Variants in LACTB2 observed in about 807,000 individuals in gnomAD.
LACTB2 encodes the protein endoribonuclease LACTB2.
In LACTB2, 32 loss-of-function variants were observed where a neutral mutation model predicts 34.8. That is an observed-to-expected ratio of 0.92 (90% CI 0.69 to 1.24). LACTB2 has a LOEUF of 1.24. Among genes scored for constraint, LACTB2 ranks in the 50% most tolerant of loss-of-function variants. The pLI is 0.00. For missense variants in LACTB2, 320 were observed against 345.0 expected (o/e 0.93, Z 0.57); for synonymous variants, 120 against 117.5 (o/e 1.02, Z -0.14).
intron 3 of LACTB2, among the ~76,000 whole-genome samples, chr8:70,645,338 C>T (rs533892234): frequency 1.3e-5 from 2 of 152,080 alleles, no homozygotes; most frequent in Non-Finnish European, 2.9e-5. Flanking sequence ...AGGCTGGCAT[C>T]AGTATATACT....
chr8:70,639,685 G>A (rs555292199), intron 5 of LACTB2, among the ~76,000 whole-genome samples: 48 of 151,540 alleles, frequency 3.2e-4, no homozygotes, highest in African/African-American at 1.1e-3. Context: ...TTTTTGGGCC[G>A]GGCGCAGTGA....
At chr8:70,664,705 C>A (rs1346059369) in intron 1 of LACTB2, among the ~76,000 whole-genome samples, 1 of 152,192 alleles carries the variant, frequency 6.6e-6, no homozygotes, top group African/African-American at 2.4e-5. Context: ...AAAAGTCACA[C>A]TGATAACATA....
chr8:70,665,658 G>A (rs1044139106), intron 1 of LACTB2, among the ~76,000 whole-genome samples: 35 of 152,040 alleles, frequency 2.3e-4, no homozygotes, highest in Non-Finnish European at 2.9e-4. Context: ...CAATGAGGTA[G>A]GTACTACACA....
intron 2 of LACTB2, chr8:70,661,219 G>A (rs1318416330): frequency 2.8e-6 from 1 of 354,530 alleles, no homozygotes; most frequent in East Asian, 7.6e-5. Context: ...TTTAATGAAT[G>A]AATGAATGAA....
intron 3 of LACTB2, among the ~76,000 whole-genome samples, chr8:70,648,208 A>G (rs1818289167): frequency 6.6e-6 from 1 of 152,190 alleles, no homozygotes. Context: ...CAGAGCTCCC[A>G]AACAGCTCTG....
chr8:70,653,617 T>C (rs1036396813), intron 3 of LACTB2: 3 of 152,196 alleles, frequency 2.0e-5, no homozygotes, highest in African/African-American at 7.2e-5. Flanking sequence ...GATGTGAGGA[T>C]GAATCTGGTA....
In LACTB2 at chr8:70,637,857, A is replaced by G. The variant is rs1225847646; in HGVS notation, c.*3T>C. 4 of 1,542,680 alleles carry G rather than the reference A, an allele frequency of 2.6e-6. No individual in the cohort carries two copies. The highest frequency in any genetic ancestry group is 2.6e-6 in the Non-Finnish European group (3 of 1,141,150). On this transcript the variant is annotated 3_prime_UTR_variant, in exon 7 of 7. Coordinates refer to ENST00000276590, the MANE Select transcript of LACTB2 (RefSeq NM_016027.3). ...ATAAAACAAAGCTTTCTTTAATCTG[A>G]AACTAAAGATGAGCTTTCCATTTCT...
intron 2 of LACTB2, among the ~76,000 whole-genome samples, chr8:70,658,277 G>C (rs900726556): frequency 2.6e-5 from 4 of 152,068 alleles, no homozygotes; most frequent in South Asian, 4.1e-4. Flanking sequence ...AATAACAAAA[G>C]GATAAACATT....
At chr8:70,664,414 A>T (rs540954207) in intron 1 of LACTB2, among the ~76,000 whole-genome samples, 1 of 152,320 alleles carries the variant, frequency 6.6e-6, no homozygotes, top group South Asian at 2.1e-4. Flanking sequence ...GTAGCAAAGA[A>T]AACAGATCTT....
At chr8:70,658,597 T>C (rs1317166735) in intron 2 of LACTB2, among the ~76,000 whole-genome samples, 2 of 152,122 alleles carry the variant, frequency 1.3e-5, no homozygotes, top group African/African-American at 4.8e-5. Flanking sequence ...ACAATTCGGC[T>C]AATAAAGGCA....
At chr8:70,663,688 T>C (rs1330960475) in intron 1 of LACTB2, among the ~76,000 whole-genome samples, 2 of 152,116 alleles carry the variant, frequency 1.3e-5, no homozygotes, top group Non-Finnish European at 1.5e-5. Context: ...TGGTGTGCCA[T>C]TAATCAAGAA....
intron 3 of LACTB2, among the ~76,000 whole-genome samples, chr8:70,648,372 T>C (rs1273454333): frequency 6.6e-6 from 1 of 152,064 alleles, no homozygotes; most frequent in African/African-American, 2.4e-5. Context: ...CCCCACAGAA[T>C]ATAATATCCT....
chr8:70,664,224 C>T (rs1452227159), intron 1 of LACTB2, among the ~76,000 whole-genome samples: 1 of 152,192 alleles, frequency 6.6e-6, no homozygotes, highest in East Asian at 1.9e-4. Context: ...CAAGGCCCCA[C>T]CACTTTTAAA....
At chr8:70,657,911 A>G in intron 2 of LACTB2, 29 bp from the exon 3 acceptor site, 3 of 1,476,604 alleles carry the variant, frequency 2.0e-6, no homozygotes, top group Non-Finnish European at 2.8e-6. Flanking sequence ...AAATATATTA[A>G]TTCACACTTT....
At chr8:70,660,445 T>A (rs543493501) in intron 2 of LACTB2, 2 of 367,424 alleles carry the variant, frequency 5.4e-6, no homozygotes, top group African/African-American at 4.3e-5. Context: ...TTTTTATAAC[T>A]GGCAGCCTGG....
chr8:70,637,662 A>G lies in LACTB2; in HGVS notation c.*198T>C. On this transcript the variant is annotated 3_prime_UTR_variant, in exon 7 of 7. Coordinates refer to ENST00000276590, the MANE Select transcript of LACTB2 (RefSeq NM_016027.3). ...AATTTTTGGTAAAACGTTAGAAGAC[A>G]AGGTTAGAGAAATAACCTATCATAT... The G allele has an allele frequency of 2.9e-6, 1 of 350,594 alleles. No individual in the cohort carries two copies. Among genetic ancestry groups the G allele is most frequent in the Non-Finnish European group, 5.2e-6 (1 of 191,800 alleles). 21.7% of individuals were successfully genotyped at this position (350,594 alleles called of 1,614,324 possible). A position where few individuals can be genotyped will look rare whatever the true frequency, so the allele number is the denominator to read the frequency against.
At chr8:70,655,104 G>C (rs113683684) in intron 3 of LACTB2, among the ~76,000 whole-genome samples, 23 of 151,948 alleles carry the variant, frequency 1.5e-4, no homozygotes, top group African/African-American at 5.6e-4. Context: ...CATAGCTTAG[G>C]TTCCACATAT....
chr8:70,637,948 T>C, intron 6 of LACTB2, 45 bp from the exon 7 acceptor site: 1 of 1,095,486 alleles, frequency 9.1e-7, no homozygotes, highest in Non-Finnish European at 1.3e-6. Context: ...AATAGATAAG[T>C]AAATGCACTG....
intron 3 of LACTB2, among the ~76,000 whole-genome samples, chr8:70,657,157 G>T (rs2132077693): frequency 6.6e-6 from 1 of 152,154 alleles, no homozygotes; most frequent in East Asian, 1.9e-4. Context: ...TGGGAAGTGA[G>T]AATATGGGAA....
Sources: allele counts gnomAD v4.1 joint callset (sites outside exome capture counted in the v4.1 genomes callset), GRCh38; gene constraint gnomAD v4.1.1; transcripts MANE v1.5; gene names NCBI Gene and HGNC (gene_info 2026-07-23, HGNC 2026-07-21).